Variants in LAMC2 observed in about 807,000 individuals in gnomAD.
LAMC2 encodes laminin subunit gamma-2.
LAMC2 carries 97 observed loss-of-function variants against 140.2 expected under a neutral mutation model. That is an observed-to-expected ratio of 0.69 (90% confidence interval 0.59 to 0.82). LAMC2 has a LOEUF of 0.82. LAMC2 is among the 40% of genes least tolerant of loss of function. The pLI, the probability that LAMC2 is intolerant of heterozygous loss-of-function variation, is 0.00. For synonymous variants in LAMC2, 513 were observed against 540.2 expected, an observed-to-expected ratio of 0.95 and a Z score of 0.70; for missense variants, 1,402 against 1,476.1, an observed-to-expected ratio of 0.95 and a Z score of 0.82.
In LAMC2 at chr1:183,228,259, T is replaced by C. The variant is rs1259490984; in HGVS notation, c.1469-115T>C. 4.9e-6 allele frequency: 7 copies of C among 1,415,374 alleles called. No individual in the cohort carries two copies. The highest frequency in any genetic ancestry group is 2.3e-5 in the East Asian group (1 of 43,834). The allele number at this position is 1,415,374 out of a possible 1,614,324, so 87.7% of individuals were successfully genotyped here. ...CCTGAGGGCTTTGTTCTGGGGTCCC[T>C]AGGGAAGCACATTTCTCTGGCTCTT... On this transcript the variant is annotated intron_variant, in intron 10 of 22. Transcript: ENST00000264144. The surrounding 1 kb of genome is among the most constrained non-coding windows in gnomAD (Gnocchi z 4.3).
At chr1:183,193,497 T>C (rs1171050134) in intron 1 of LAMC2, among the ~76,000 whole-genome samples, 2 of 110,346 alleles carry the variant, frequency 1.8e-5, no homozygotes, top group South Asian at 3.0e-4. Context: ...ATGTTGACCA[T>C]GTAAGCTTTA....
At chr1:183,229,358 C>T (rs969283430) in intron 11 of LAMC2, among the ~76,000 whole-genome samples, 5 of 151,998 alleles carry the variant, frequency 3.3e-5, no homozygotes, top group East Asian at 1.9e-4. Context: ...AGAATGGGGC[C>T]GGGAATGGTG....
chr1:183,204,310 A>G (rs1658813922), intron 1 of LAMC2, among the ~76,000 whole-genome samples: 2 of 151,924 alleles, frequency 1.3e-5, no homozygotes, highest in East Asian at 1.9e-4. Flanking sequence ...ACAAAAGAAA[A>G]TAGGCTGGGT....
chr1:183,245,602 G>A (rs1364950116), downstream of LAMC2, among the ~76,000 whole-genome samples: 1 of 152,210 alleles, frequency 6.6e-6, no homozygotes, highest in African/African-American at 2.4e-5. Flanking sequence ...GCCAGGCTTG[G>A]GAGGGCCTCA....
downstream of LAMC2, chr1:183,249,390 A>AT (rs373866030): frequency 6.0e-4 from 92 of 152,118 alleles, no homozygotes; most frequent in African/African-American, 2.1e-3. Context: ...TGGGAGAGAC[A>AT]TTTTTTGCTG....
At chr1:183,255,055 A>G in the LAMC2 span, among the ~76,000 whole-genome samples, 3 of 152,256 alleles carry the variant, frequency 2.0e-5, no homozygotes, top group South Asian at 6.2e-4. Flanking sequence ...TTCAGATCTT[A>G]CACTTAGGTT....
chr1:183,242,667 C>T (rs565537245), intron 22 of LAMC2, among the ~76,000 whole-genome samples: 1 of 152,310 alleles, frequency 6.6e-6, no homozygotes, highest in East Asian at 1.9e-4. Context: ...GTACCTTGGC[C>T]TCTATAACCC....
intron 22 of LAMC2, 34 bp from the exon 23 acceptor site, chr1:183,243,113 T>C (rs1224817609): frequency 6.2e-7 from 1 of 1,613,336 alleles, no homozygotes; most frequent in East Asian, 2.2e-5. Flanking sequence ...CTACAGCTTT[T>C]CTATGTTAAC....
intron 13 of LAMC2, 30 bp from the exon 14 acceptor site, chr1:183,232,622 C>T: frequency 1.3e-6 from 2 of 1,580,288 alleles, no homozygotes; most frequent in Non-Finnish European, 1.7e-6. Flanking sequence ...CCAGAAAGTG[C>T]TCATGCTCCC....
rs1410739319 is a variant in LAMC2, at chr1:183,243,764, C to T, written c.*364C>T. On this transcript the variant is annotated 3_prime_UTR_variant, in exon 23 of 23. Coordinates refer to ENST00000264144, the MANE Select transcript of LAMC2 (RefSeq NM_005562.3). ...GCTGTTGGGATATAGTCAACTTATT[C>T]TTTGAGTAATGTGACTAAAGGAAAA... The T allele has an allele frequency of 6.3e-6, 2 of 319,702 alleles. No homozygotes were observed. The highest frequency in any genetic ancestry group is 2.1e-5 in the African/African-American group (1 of 46,904). 19.8% of individuals were successfully genotyped at this position (319,702 alleles called of 1,614,324 possible).
In LAMC2 at chr1:183,243,785, GA is replaced by G. The variant is rs1246512184; in HGVS notation, c.*391del. The G allele has an allele frequency of 3.5e-6, 1 of 288,480 alleles. No individual in the cohort carries two copies. 17.9% of individuals were successfully genotyped at this position (288,480 alleles called of 1,614,324 possible). On this transcript the variant is annotated 3_prime_UTR_variant, in exon 23 of 23. Transcript: ENST00000264144. The stretch of plus-strand genomic sequence containing the variant: ...TATTCTTTGAGTAATGTGACTAAAG[GA>G]AAAAACTTTGACTTTGCCCAGGCAT...
chr1:183,241,397 C>A, intron 22 of LAMC2: 1 of 842,566 alleles, frequency 1.2e-6, no homozygotes, highest in Non-Finnish European at 1.4e-6. Flanking sequence ...GAGAGTAGGC[C>A]TGTGAGATAA....
chr1:183,232,581 C>G, intron 13 of LAMC2, 71 bp from the exon 14 acceptor site: 1 of 1,384,190 alleles, frequency 7.2e-7, no homozygotes, highest in Non-Finnish European at 1.0e-6. Flanking sequence ...GCCAGTCAAC[C>G]CTCCGTTATG....
intron 13 of LAMC2, 141 bp downstream of exon 13, chr1:183,232,484 T>A: frequency 9.0e-7 from 1 of 1,114,258 alleles, no homozygotes; most frequent in Non-Finnish European, 1.3e-6. Flanking sequence ...AAGGACTGTC[T>A]GTGGCATTCC....
At chr1:183,227,955 A>G (rs1028351906) in intron 10 of LAMC2, among the ~76,000 whole-genome samples, 2 of 152,230 alleles carry the variant, frequency 1.3e-5, no homozygotes, top group Non-Finnish European at 2.9e-5. Flanking sequence ...TTAGAAGATG[A>G]CATTTTCAGA....
rs75143966 is a variant in LAMC2, at chr1:183,211,407, T to C, written c.268+3338T>C. 6.5e-3 allele frequency among the ~76,000 whole-genome samples: 995 copies of C among 152,374 alleles called. 4 individuals carry two copies. The highest frequency in any genetic ancestry group is 0.01 in the Non-Finnish European group (702 of 68,042). ...TATTCAGACTATAACATTTGAGTAA[T>C]TATTTAAAACATGTTTTTAAATGCA... On this transcript the variant is annotated intron_variant, in intron 2 of 22. Coordinates refer to ENST00000264144, the MANE Select transcript of LAMC2 (RefSeq NM_005562.3).
chr1:183,210,763 G>A (rs1224515825), intron 2 of LAMC2, among the ~76,000 whole-genome samples: 2 of 152,220 alleles, frequency 1.3e-5, no homozygotes, highest in Non-Finnish European at 2.9e-5. Flanking sequence ...TGACAACAAT[G>A]TGTTAACACA....
At chr1:183,188,339 A>G (rs1046617938) in intron 1 of LAMC2, among the ~76,000 whole-genome samples, 2 of 152,240 alleles carry the variant, frequency 1.3e-5, no homozygotes, top group African/African-American at 4.8e-5. Context: ...GCCATGTCTC[A>G]AAGTGACCGT....
intron 1 of LAMC2, among the ~76,000 whole-genome samples, chr1:183,196,381 C>A (rs1423871794): frequency 6.6e-6 from 1 of 152,202 alleles, no homozygotes; most frequent in Non-Finnish European, 1.5e-5. Context: ...AAGTGATTCA[C>A]CGGCCTCAGC....
Sources: allele counts gnomAD v4.1 joint callset (sites outside exome capture counted in the v4.1 genomes callset), GRCh38; gene constraint gnomAD v4.1.1; non-coding constraint Gnocchi (gnomAD v3.1); transcripts MANE v1.5; gene names NCBI Gene and HGNC (gene_info 2026-07-23, HGNC 2026-07-21).